RFC5: variants seen among roughly 807,000 people sequenced by gnomAD.
RFC5 encodes A1 36 kDa subunit.
Under a neutral mutation model 44.3 loss-of-function variants are expected in RFC5, and 26 were observed. The observed-to-expected ratio is 0.59, with a 90% CI of 0.43 to 0.81. The LOEUF (loss-of-function observed/expected upper bound fraction) is 0.81. Ranked by LOEUF, RFC5 falls within the 40% of genes least tolerant of loss-of-function variation. RFC5 has a pLI of 0.00. For missense variants in RFC5, 328 were observed against 418.6 expected (o/e 0.78, Z 1.89); for synonymous variants, 155 against 155.2 (o/e 1.00, Z 0.01).
chr12:118,027,126 C>A, intron 8 of RFC5, 108 bp downstream of exon 8: 2 of 1,126,900 alleles, frequency 1.8e-6, no homozygotes, highest in Non-Finnish European at 2.6e-6. Flanking sequence ...TGGCTGCAGG[C>A]GACTCTGGTC....
In RFC5 at chr12:118,019,722, C is replaced by T. The variant is rs768186952; in HGVS notation, c.221C>T (p.Ala74Val). ...AAGACATCTACCATCCTAGCCTGTG[C>T]GAAACAGCTATATAAAGACAAAGAA... is the stretch of plus-strand genomic sequence containing the variant. Reference protein sequence around the residue: ...TGKTSTILACAKQLYKDKEFG... With the variant: ...TGKTSTILACVKQLYKDKEFG... Residue 74 changes from alanine (A) to valine (V), a missense_variant, in exon 3 of 11, where the codon GCG becomes GTG. By Grantham distance (64) the Ala-to-Val change is moderately conservative. Coordinates refer to ENST00000454402, the MANE Select transcript of RFC5 (RefSeq NM_007370.7). This position sits in a 1 kb window ranked among gnomAD's most constrained non-coding sequence, Gnocchi z 4.2. 42 of 1,613,740 alleles carry T rather than the reference C, an allele frequency of 2.6e-5. No homozygotes were observed. The highest frequency in any genetic ancestry group is 3.3e-5 in the Admixed American group (2 of 59,974).
Position 118,024,840 on chromosome 12 carries a change from T to G in RFC5, c.422-11T>G. On this transcript the variant is annotated splice_polypyrimidine_tract_variant and intron_variant, in intron 5 of 10. Transcript: ENST00000454402. ...ACTTTGACATGAGGTGGTTTTATTT[T>G]CTCTTACTAGTAATTGAGAAATTCA... 1 of 1,594,842 alleles carries G rather than the reference T, an allele frequency of 6.3e-7. No individual in the cohort carries two copies. The highest frequency in any genetic ancestry group is 8.5e-7 in the Non-Finnish European group (1 of 1,172,010).
rs549575304 is a variant in RFC5, at chr12:118,027,130, T to A, written c.793+112T>A. 80 of 1,081,996 alleles carry A rather than the reference T, an allele frequency of 7.4e-5. No homozygotes were observed. In the East Asian group the frequency reaches 1.6e-3, roughly 22 times the overall value. 67.0% of individuals were successfully genotyped at this position (1,081,996 alleles called of 1,614,324 possible). ...CAAAGGATGACTGGCTGCAGGCGAC[T>A]CTGGTCAGCTTGTTGTGGGAGTGAG... On this transcript the variant is annotated intron_variant, in intron 8 of 10. Coordinates refer to ENST00000454402, the MANE Select transcript of RFC5 (RefSeq NM_007370.7).
intron 1 of RFC5, chr12:118,018,162 G>T: frequency 1.7e-6 from 1 of 593,126 alleles, no homozygotes; most frequent in Non-Finnish European, 3.1e-6. Context: ...TTAATTTCTT[G>T]TTATGGCTGA....
At position 118,019,908 on chromosome 12, in the gene RFC5, C is replaced by T. The variant is rs533262653; in HGVS notation, c.267+140C>T. The T allele has an allele frequency of 4.7e-5, 33 of 707,888 alleles. No individual in the cohort carries two copies. The highest frequency in any genetic ancestry group is 4.0e-4 in the South Asian group (20 of 49,440). The allele number at this position is 707,888 out of a possible 1,614,324, so 43.9% of individuals were successfully genotyped here. A position where few individuals can be genotyped will look rare whatever the true frequency, so the allele number is the denominator to read the frequency against. On this transcript the variant is annotated intron_variant, in intron 3 of 10. Coordinates refer to ENST00000454402, the MANE Select transcript of RFC5 (RefSeq NM_007370.7). The surrounding 1 kb of genome is among the most constrained non-coding windows in gnomAD (Gnocchi z 4.2). Reference sequence around the variant, plus strand: ...AGAAGTAAATTTGAATATTTTAATTCCCTTTTTCCTATAATGGTCATTTTG... The same window carrying T: ...AGAAGTAAATTTGAATATTTTAATTTCCTTTTTCCTATAATGGTCATTTTG...
At chr12:118,037,825 C>T (rs924013286), downstream of RFC5, 5 of 155,112 alleles carry the variant, frequency 3.2e-5, no homozygotes, top group African/African-American at 1.2e-4. Flanking sequence ...GAACTGTTCT[C>T]AAATTGTTCT....
At chr12:118,040,786 G>A in the RFC5 span, among the ~76,000 whole-genome samples, 43 of 151,908 alleles carry the variant, frequency 2.8e-4, 1 homozygote, top group Admixed American at 1.3e-4. Context: ...AGTGGCTCAC[G>A]CCTGTAATCC....
intron 3 of RFC5, among the ~76,000 whole-genome samples, chr12:118,020,045 G>A (rs1368938564): frequency 1.3e-5 from 2 of 152,154 alleles, no homozygotes; most frequent in African/African-American, 4.8e-5. Flanking sequence ...GTTGCTGCCT[G>A]TCTGCCATGG....
At chr12:118,018,924 C>T (rs1766065870) in intron 1 of RFC5, 148 bp from the exon 2 acceptor site, 2 of 610,478 alleles carry the variant, frequency 3.3e-6, no homozygotes, top group Admixed American at 4.6e-5. Flanking sequence ...GTCTTGAACT[C>T]CTGACCCCAA....
At position 118,020,931 on chromosome 12, in the gene RFC5, T is replaced by TA; in HGVS notation, c.294dup (p.Asp99ArgfsTer12). The TA allele has an allele frequency of 6.2e-7, 1 of 1,612,054 alleles. No homozygotes were observed. The highest frequency in any genetic ancestry group is 8.5e-7 in the Non-Finnish European group (1 of 1,178,350). ...CTGAATGCTTCAGATGACCGAGGAA[T>TA]AGACATCATTCGAGGACCGATCCTG... is the stretch of plus-strand genomic sequence containing the variant. On this transcript the variant is annotated frameshift_variant, in exon 4 of 11. Transcript: ENST00000454402. LOFTEE classifies it high-confidence loss of function.
downstream of RFC5, chr12:118,036,580 A>T: frequency 6.7e-7 from 1 of 1,486,966 alleles, no homozygotes; most frequent in Non-Finnish European, 9.1e-7. Context: ...AGGGAGGGAA[A>T]GGTACCACCA....
chr12:118,028,869 C>T (rs1173122116), intron 9 of RFC5, among the ~76,000 whole-genome samples: 9 of 152,160 alleles, frequency 5.9e-5, no homozygotes, highest in Non-Finnish European at 7.3e-5. Context: ...ACCAGGCATC[C>T]GTATTCTCTA....
In RFC5 at chr12:118,031,365, T is replaced by C. The variant is rs924223598; in HGVS notation, c.*87T>C. The C allele has an allele frequency of 6.9e-6, 6 of 864,156 alleles. No individual in the cohort carries two copies. Among genetic ancestry groups the C allele is most frequent in the Non-Finnish European group, 9.2e-6 (5 of 540,558 alleles). The allele number at this position is 864,156 out of a possible 1,614,324, so 53.5% of individuals were successfully genotyped here. On this transcript the variant is annotated 3_prime_UTR_variant, in exon 11 of 11. Transcript: ENST00000454402. ...TCCAGGATAAACTGCTGCCTGGGGC[T>C]GTGGGATGAATCAGTCACCCCGAAT... is the stretch of plus-strand genomic sequence containing the variant.
downstream of RFC5, chr12:118,035,024 G>C: frequency 6.2e-7 from 1 of 1,614,138 alleles, no homozygotes; most frequent in Non-Finnish European, 8.5e-7. Context: ...AAAATGTGCA[G>C]CAAAGCCCAT....
chr12:118,030,795 T>G (rs2031265026), intron 10 of RFC5, among the ~76,000 whole-genome samples: 1 of 152,134 alleles, frequency 6.6e-6, no homozygotes. Flanking sequence ...TGCACTACCA[T>G]GCCCAGCTAA....
At position 118,019,063 on chromosome 12, in the gene RFC5, G is replaced by C. The variant is rs771524579; in HGVS notation, c.66-9G>C. Reference sequence around the variant, plus strand: ...TATATGTCATAATACATACTAAATTGTATTTCAGGGTTGAAAAATACCGGC... The same window carrying C: ...TATATGTCATAATACATACTAAATTCTATTTCAGGGTTGAAAAATACCGGC... On this transcript the variant is annotated splice_polypyrimidine_tract_variant and intron_variant, in intron 1 of 10. Transcript: ENST00000454402. The surrounding 1 kb of genome is among the most constrained non-coding windows in gnomAD (Gnocchi z 4.2). 6.3e-7 allele frequency: 1 copy of C among 1,590,052 alleles called. No individual in the cohort carries two copies. The highest frequency in any genetic ancestry group is 1.7e-5 in the Admixed American group (1 of 59,972).
At chr12:118,029,057 C>T (rs1327171340) in intron 9 of RFC5, among the ~76,000 whole-genome samples, 2 of 152,256 alleles carry the variant, frequency 1.3e-5, no homozygotes, top group Admixed American at 6.5e-5. Context: ...TCAGGCCCAG[C>T]TCTGCACCTT....
At position 118,025,848 on chromosome 12, in the gene RFC5, CTTTTT is replaced by C. The variant is rs750369555; in HGVS notation, c.663+34_663+38del. The C allele has an allele frequency of 6.7e-4, 677 of 1,006,728 alleles. No homozygotes were observed. The highest frequency in any genetic ancestry group is 7.5e-4 in the Non-Finnish European group (506 of 678,814). The allele number at this position is 1,006,728 out of a possible 1,614,324, so 62.4% of individuals were successfully genotyped here. A position where few individuals can be genotyped will look rare whatever the true frequency, so the allele number is the denominator to read the frequency against. On this transcript the variant is annotated intron_variant, in intron 7 of 10. Transcript: ENST00000454402. Reference sequence around the variant, plus strand: ...TTGCAGGTATGGTCTCAAGCAAATCCTTTTTTTTTTTTTTTTTTGAGACAGAGTCT... The same window carrying C: ...TTGCAGGTATGGTCTCAAGCAAATCCTTTTTTTTTTTTTGAGACAGAGTCT...
downstream of RFC5, chr12:118,036,620 G>A: frequency 1.7e-6 from 2 of 1,157,802 alleles, no homozygotes; most frequent in Non-Finnish European, 2.4e-6. Context: ...AGCCAGGGCT[G>A]ATTCTCTATC....
Sources: allele counts gnomAD v4.1 joint callset (sites outside exome capture counted in the v4.1 genomes callset), GRCh38; gene constraint gnomAD v4.1.1; non-coding constraint Gnocchi (gnomAD v3.1); transcripts MANE v1.5; gene names NCBI Gene and HGNC (gene_info 2026-07-23, HGNC 2026-07-21).